TRPC4AP: variants seen among roughly 807,000 people sequenced by gnomAD.
The protein encoded by TRPC4AP is transient receptor potential cation channel subfamily C member 4 associated protein, also known as short transient receptor potential channel 4-associated protein.
A neutral mutation model predicts 99.0 loss-of-function variants in TRPC4AP; 45 were observed. The ratio of observed to expected loss-of-function variants is 0.45; its 90% CI spans 0.36 to 0.58. The LOEUF is 0.58. TRPC4AP is among the 20% of genes least tolerant of loss of function. The pLI is 0.00. For synonymous variants in TRPC4AP, 408 were observed against 385.8 expected, an observed-to-expected ratio of 1.06 and a Z score of -0.67; for missense variants, 879 against 985.3, an observed-to-expected ratio of 0.89 and a Z score of 1.44.
intron 9 of TRPC4AP, among the ~76,000 whole-genome samples, chr20:35,018,604 GAAAAAAAAA>G (rs11479211): frequency 3.4e-5 from 3 of 88,940 alleles, no homozygotes; most frequent in Admixed American, 1.4e-4. Flanking sequence ...CTCAAAAAAA[GAAAAAAAAA>G]AAAAAAAAAA....
intron 1 of TRPC4AP, among the ~76,000 whole-genome samples, chr20:35,091,509 C>A (rs148378400): frequency 6.6e-6 from 1 of 152,116 alleles, no homozygotes; most frequent in Non-Finnish European, 1.5e-5. Flanking sequence ...CCCCCTTTAG[C>A]CCAATTCCCA....
At chr20:35,037,411 T>C (rs370395408) in intron 7 of TRPC4AP, among the ~76,000 whole-genome samples, 1 of 149,056 alleles carries the variant, frequency 6.7e-6, no homozygotes, top group Non-Finnish European at 1.5e-5. Context: ...ATTTCACTCC[T>C]ACATATATAC....
intron 1 of TRPC4AP, among the ~76,000 whole-genome samples, chr20:35,080,809 T>G (rs6060209): frequency 7.9e-5 from 7 of 88,202 alleles, no homozygotes; most frequent in Non-Finnish European, 7.5e-5. Context: ...CTTCAGTTTT[T>G]TTTTTTTTTA....
intron 7 of TRPC4AP, 105 bp downstream of exon 7, chr20:35,044,400 G>GAAAAAAAAAAA (rs11483863): frequency 3.4e-6 from 3 of 880,660 alleles, no homozygotes; most frequent in Non-Finnish European, 1.6e-6. Flanking sequence ...CTCAAAAAAG[G>GAAAAAAAAAAA]AAAAAAAAAA....
intron 9 of TRPC4AP, 42 bp downstream of exon 9, chr20:35,021,148 G>A: frequency 6.3e-7 from 1 of 1,592,806 alleles, no homozygotes; most frequent in Non-Finnish European, 8.6e-7. Context: ...CACCCGGGCA[G>A]CACCTGCTCC....
In TRPC4AP at chr20:35,027,045, C is replaced by A. The variant is rs562739649; in HGVS notation, c.1052-5689G>T. Among the ~76,000 whole-genome samples, 7 of 152,196 alleles carry A rather than the reference C, an allele frequency of 4.6e-5. No individual in the cohort carries two copies. The South Asian group carries it at 1.5e-3, about 32-fold the overall frequency. ...GCATGCCTTTAATTTCTTTTTCTTG[C>A]CTAACTGCCCTAGCCAGAACCTCCA... On this transcript the variant is annotated intron_variant, in intron 8 of 18. Transcript: ENST00000252015.
intron 2 of TRPC4AP, among the ~76,000 whole-genome samples, chr20:35,075,541 C>T (rs200534243): frequency 6.6e-6 from 1 of 152,146 alleles, no homozygotes; most frequent in Non-Finnish European, 1.5e-5. Flanking sequence ...GGATATGAAA[C>T]TCTGGGTTGA....
intron 4 of TRPC4AP, among the ~76,000 whole-genome samples, chr20:35,056,558 T>C (rs561543510): frequency 3.3e-5 from 5 of 152,166 alleles, no homozygotes; most frequent in Admixed American, 6.5e-5. Flanking sequence ...GTATGTCGTA[T>C]TGGGGTAAAA....
chr20:35,052,483 C>T (rs2083729082), intron 5 of TRPC4AP, among the ~76,000 whole-genome samples: 1 of 152,000 alleles, frequency 6.6e-6, no homozygotes, highest in Non-Finnish European at 1.5e-5. Context: ...TTCTGGTGAG[C>T]AGTACTGTTT....
intron 8 of TRPC4AP, among the ~76,000 whole-genome samples, chr20:35,034,545 G>T (rs2083273983): frequency 6.6e-6 from 1 of 151,802 alleles, no homozygotes; most frequent in African/African-American, 2.4e-5. Flanking sequence ...AAAGCTGATG[G>T]CCCCCCACTC....
At chr20:35,028,937 A>C (rs1409157083) in intron 8 of TRPC4AP, among the ~76,000 whole-genome samples, 1 of 152,184 alleles carries the variant, frequency 6.6e-6, no homozygotes, top group East Asian at 1.9e-4. Flanking sequence ...CTCTGATAAC[A>C]GTTTTTGTTT....
At chr20:35,008,792 A>C in intron 12 of TRPC4AP, 45 bp from the exon 13 acceptor site, 1 of 1,574,574 alleles carries the variant, frequency 6.4e-7, no homozygotes, top group Non-Finnish European at 8.7e-7. Context: ...AGAGGCTGAC[A>C]GGGGCCCTGG....
intron 6 of TRPC4AP, among the ~76,000 whole-genome samples, chr20:35,049,411 A>G (rs567758119): frequency 3.2e-4 from 49 of 152,190 alleles, no homozygotes; most frequent in Non-Finnish European, 5.4e-4. Context: ...GGCGGACTTC[A>G]TAAGTGAAAG....
chr20:35,080,521 G>A (rs1219020024), intron 1 of TRPC4AP, among the ~76,000 whole-genome samples: 2 of 111,730 alleles, frequency 1.8e-5, no homozygotes, highest in African/African-American at 3.3e-5. Flanking sequence ...CAAAAACAAA[G>A]CGAGACTCCA....
At chr20:35,082,454 T>G (rs189596703) in intron 1 of TRPC4AP, among the ~76,000 whole-genome samples, 1 of 152,312 alleles carries the variant, frequency 6.6e-6, no homozygotes, top group African/African-American at 2.4e-5. Context: ...TGGAAAATAA[T>G]ATACTTCTCA....
At chr20:35,069,875 A>G (rs1238190925) in intron 2 of TRPC4AP, among the ~76,000 whole-genome samples, 1 of 152,186 alleles carries the variant, frequency 6.6e-6, no homozygotes. Flanking sequence ...ACGGAGGCAG[A>G]CGTTGCAGTG....
chr20:35,015,929 C>G, intron 10 of TRPC4AP, 79 bp downstream of exon 10: 1 of 1,577,786 alleles, frequency 6.3e-7, no homozygotes, highest in Non-Finnish European at 8.6e-7. Context: ...GAAAAAAGGT[C>G]AAAGGGTCAG....
intron 15 of TRPC4AP, 28 bp from the exon 16 acceptor site, chr20:35,005,831 C>T (rs748043710): frequency 1.2e-6 from 2 of 1,608,746 alleles, no homozygotes; most frequent in African/African-American, 1.3e-5. Context: ...TCACAGCAGG[C>T]AGTGGGCTGC....
rs947367330 is a variant in TRPC4AP, at chr20:35,028,647, G to A, written c.1051+6476C>T. Among the ~76,000 whole-genome samples the A allele has an allele frequency of 7.2e-5, 11 of 152,256 alleles. 1 individual carries two copies. The South Asian group carries it at 1.5e-3, about 20-fold the overall frequency. On this transcript the variant is annotated intron_variant, in intron 8 of 18. Coordinates refer to ENST00000252015, the MANE Select transcript of TRPC4AP (RefSeq NM_015638.3). ...ACTTGAGAAGAACGTGCATTCTGTA[G>A]TAGTTGGGTGGAGGGTTCTACAGTT...
Sources: gnomAD v4.1 joint callset for allele counts (sites outside exome capture counted in the v4.1 genomes callset) on GRCh38, gnomAD v4.1.1 for gene constraint, MANE v1.5 for transcripts, NCBI Gene and HGNC (gene_info 2026-07-23, HGNC 2026-07-21) for gene names.